The following LRCH4 variants were observed in gnomAD, a reference collection of about 807,000 sequenced individuals.
LRCH4 encodes leucine-rich repeat and calponin homology domain-containing protein 4.
Under a neutral mutation model 81.2 loss-of-function variants are expected in LRCH4, and 56 were observed. The observed-to-expected ratio is 0.69, with a 90% CI of 0.56 to 0.86. The LOEUF (loss-of-function observed/expected upper bound fraction) is 0.86, where lower values mean the gene tolerates loss of function less well. Among genes scored for constraint, LRCH4 ranks in the 40% least tolerant of loss-of-function variants. The pLI is 0.00. For synonymous variants in LRCH4, 442 were observed against 409.7 expected (o/e 1.08, Z -0.95); for missense variants, 895 against 922.8 (o/e 0.97, Z 0.39).
At position 100,575,073 on chromosome 7, in the gene LRCH4, AGG is replaced by A. The variant is rs558851090; in HGVS notation, c.*32_*33del. 38 of 1,568,808 alleles carry A rather than the reference AGG, an allele frequency of 2.4e-5. 1 individual carries two copies. In the South Asian group the frequency reaches 3.9e-4, roughly 16 times the overall value. On this transcript the variant is annotated 3_prime_UTR_variant, in exon 18 of 18. Transcript: ENST00000310300. This position sits in a 1 kb window ranked among gnomAD's most constrained non-coding sequence, Gnocchi z 5.3. ...GCAGGGACCTTATAAATAGAGAGGA[AGG>A]GAAAGGGGTGAGGGAGGGCCGATTT... is the stretch of plus-strand genomic sequence containing the variant.
At chr7:100,579,455 G>A (rs1584406851) in intron 4 of LRCH4, 1 of 152,316 alleles carries the variant, frequency 6.6e-6, no homozygotes, top group East Asian at 1.9e-4. Flanking sequence ...AAATTAGCCG[G>A]GTGTGGTGGC....
Position 100,578,478 on chromosome 7 carries a change from A to T in LRCH4, c.769T>A (p.Tyr257Asn), listed in dbSNP as rs1801440122. 3 of 1,613,950 alleles carry T rather than the reference A, an allele frequency of 1.9e-6. No homozygotes were observed. The highest frequency in any genetic ancestry group is 1.7e-6 in the Non-Finnish European group (2 of 1,180,006). Residue 257 changes from tyrosine (Y) to asparagine (N), a missense_variant, in exon 6 of 18, where the codon TAT (tyrosine) becomes AAT (asparagine). By Grantham distance (143) the Tyr-to-Asn change is moderately radical. Coordinates refer to ENST00000310300, the MANE Select transcript of LRCH4 (RefSeq NM_002319.5). The surrounding 1 kb of genome is among the most constrained non-coding windows in gnomAD (Gnocchi z 5.7). The stretch of plus-strand genomic sequence containing the variant: ...CGCTGCCCGGCCTCTGTGGACAAAT[A>T]CTTGAAGATGTGAAGTTTCCCCTTC... ...CLKGKLHIFK[Y>N]LSTEAGQRGS...
rs1168523391 is a variant in LRCH4 at position 100,581,808 on chromosome 7, G to A, written c.567C>T (p.Val189=). 6.2e-7 allele frequency: 1 copy of A among 1,614,188 alleles called. No homozygotes were observed. The highest frequency in any genetic ancestry group is 8.5e-7 in the Non-Finnish European group (1 of 1,180,024). Residue 189 remains valine (V), a synonymous_variant, in exon 4 of 18, where the codon GTC becomes GTT. Coordinates refer to ENST00000310300, the MANE Select transcript of LRCH4 (RefSeq NM_002319.5). ...GCAGCGTACTGAGCTGGTTCCTCCG[G>A]ACATTGAGGTCCCGCAGGGAAGAGA... ...CGLSSLRDLN[V]RRNQLSTLPE...
rs1295814153 is a variant in LRCH4 at position 100,574,345 on chromosome 7, GCA to G, written c.*760_*761del. 1 of 163,230 alleles carries G rather than the reference GCA, an allele frequency of 6.1e-6. No homozygotes were observed. Among genetic ancestry groups the G allele is most frequent in the Admixed American group, 6.5e-5 (1 of 15,334 alleles). The allele number at this position is 163,230 out of a possible 1,614,324, so 10.1% of individuals were successfully genotyped here. On this transcript the variant is annotated 3_prime_UTR_variant, in exon 18 of 18. Coordinates refer to ENST00000310300, the MANE Select transcript of LRCH4 (RefSeq NM_002319.5). ...CCTCTTCCAGGATGTGGTGGGGCTGGCACAGTGACTCCTGGGGGAAGGGGCCG... is the reference window on the plus strand; with the variant it reads ...CCTCTTCCAGGATGTGGTGGGGCTGGCAGTGACTCCTGGGGGAAGGGGCCG...
Position 100,575,436 on chromosome 7 carries a change from G to T in LRCH4, c.1855-132C>A. 1 of 928,884 alleles carries T rather than the reference G, an allele frequency of 1.1e-6. No homozygotes were observed. Among genetic ancestry groups the T allele is most frequent in the Non-Finnish European group, 1.7e-6 (1 of 595,580 alleles). 57.5% of individuals were successfully genotyped at this position (928,884 alleles called of 1,614,324 possible). A position where few individuals can be genotyped will look rare whatever the true frequency, so the allele number is the denominator to read the frequency against. On this transcript the variant is annotated intron_variant, in intron 17 of 17. Coordinates refer to ENST00000310300, the MANE Select transcript of LRCH4 (RefSeq NM_002319.5). The surrounding 1 kb of genome is among the most constrained non-coding windows in gnomAD (Gnocchi z 5.3). ...CCCACATGCTGACGTGCTGGGCAGGGGGAGTGCAGTGCAGGAGGAGTGCAG... is the reference window on the plus strand; with the variant it reads ...CCCACATGCTGACGTGCTGGGCAGGTGGAGTGCAGTGCAGGAGGAGTGCAG...
chr7:100,577,229 G>C lies in LRCH4; in HGVS notation c.1295+44C>G. ...GCGGGGCTCGGTGGCCCCATTTCCA[G>C]GGCTCAGTGTCCAGCAACAGCCCCG... On this transcript the variant is annotated intron_variant, in intron 11 of 17. Transcript: ENST00000310300. This position sits in a 1 kb window ranked among gnomAD's most constrained non-coding sequence, Gnocchi z 6.7. 6.2e-7 allele frequency: 1 copy of C among 1,607,378 alleles called. No homozygotes were observed. The highest frequency in any genetic ancestry group is 2.2e-5 in the East Asian group (1 of 44,816).
intron 1 of LRCH4, chr7:100,584,808 A>G (rs1801673661): frequency 6.6e-6 from 3 of 456,298 alleles, no homozygotes; most frequent in African/African-American, 4.0e-5. Context: ...CTGCTTAGGG[A>G]GAAGTAAGCA....
At position 100,575,367 on chromosome 7, in the gene LRCH4, A is replaced by G; in HGVS notation, c.1855-63T>C. Reference sequence around the variant, plus strand: ...CAGACGTCAGCAGCAGCAGCAGGACAGTCCCTCCCACCCCTGCCCTCACGT... The same window carrying G: ...CAGACGTCAGCAGCAGCAGCAGGACGGTCCCTCCCACCCCTGCCCTCACGT... On this transcript the variant is annotated intron_variant, in intron 17 of 17. Transcript: ENST00000310300. The surrounding 1 kb of genome is among the most constrained non-coding windows in gnomAD (Gnocchi z 5.3). 7.1e-7 allele frequency: 1 copy of G among 1,416,274 alleles called. No individual in the cohort carries two copies. The highest frequency in any genetic ancestry group is 9.6e-7 in the Non-Finnish European group (1 of 1,045,542). 87.7% of individuals were successfully genotyped at this position (1,416,274 alleles called of 1,614,324 possible). A position where few individuals can be genotyped will look rare whatever the true frequency, so the allele number is the denominator to read the frequency against.
At position 100,581,592 on chromosome 7, in the gene LRCH4, G is replaced by C. The variant is rs1326611028; in HGVS notation, c.598+185C>G. The C allele has an allele frequency of 5.2e-6, 3 of 573,288 alleles. No individual in the cohort carries two copies. In the South Asian group the frequency reaches 6.5e-5, roughly 13 times the overall value. The allele number at this position is 573,288 out of a possible 1,614,324, so 35.5% of individuals were successfully genotyped here. A position where few individuals can be genotyped will look rare whatever the true frequency, so the allele number is the denominator to read the frequency against. Reference sequence around the variant, plus strand: ...CAAGGAGCCGGCAGTCTGCAGCCAGGAAAAGCACCCTGCCAGAAGCTGACC... The same window carrying C: ...CAAGGAGCCGGCAGTCTGCAGCCAGCAAAAGCACCCTGCCAGAAGCTGACC... On this transcript the variant is annotated intron_variant, in intron 4 of 17. Coordinates refer to ENST00000310300, the MANE Select transcript of LRCH4 (RefSeq NM_002319.5).
rs569093846 is a variant in LRCH4 at position 100,578,150 on chromosome 7, C to T, written c.948+9G>A. The T allele has an allele frequency of 1.5e-5, 24 of 1,613,632 alleles. No homozygotes were observed. The highest frequency in any genetic ancestry group is 8.9e-5 in the East Asian group (4 of 44,872). ...CACCCTCAATCACCCATGGACAGGA[C>T]GCCCTTACCTCATTTCCAGACCACC... On this transcript the variant is annotated intron_variant, in intron 7 of 17. Transcript: ENST00000310300. The surrounding 1 kb of genome is among the most constrained non-coding windows in gnomAD (Gnocchi z 5.7).
chr7:100,585,225 C>G (rs373355162), intron 1 of LRCH4: 53 of 174,148 alleles, frequency 3.0e-4, no homozygotes, highest in African/African-American at 1.1e-3. Context: ...AGTGACCTCA[C>G]AGGCTTAGGA....
chr7:100,575,228 C>G lies in LRCH4; in HGVS notation c.1931G>C (p.Arg644Pro). Residue 644 changes from arginine (R) to proline (P), a missense_variant, in exon 18 of 18, where the codon CGG becomes CCG. Physicochemically the swap from Arg to Pro is moderately radical, Grantham distance 103. Coordinates refer to ENST00000310300, the MANE Select transcript of LRCH4 (RefSeq NM_002319.5). The surrounding 1 kb of genome is among the most constrained non-coding windows in gnomAD (Gnocchi z 5.3). ...GGGCGGTAGGGCCTTGCCCCCCACC[C>G]GCTTCACGGCCTCCAGCGCGGTCCG... is the stretch of plus-strand genomic sequence containing the variant. Reference protein sequence around the residue: ...GLRTALEAVKRVGGKALPPLW... With the variant: ...GLRTALEAVKPVGGKALPPLW... 1 of 1,606,422 alleles carries G rather than the reference C, an allele frequency of 6.2e-7. No individual in the cohort carries two copies. The highest frequency in any genetic ancestry group is 8.5e-7 in the Non-Finnish European group (1 of 1,176,478).
Position 100,582,413 on chromosome 7 carries a change from C to T in LRCH4, c.267G>A (p.Gln89=), listed in dbSNP as rs1365838893. 1.1e-5 allele frequency: 17 copies of T among 1,613,446 alleles called. No individual in the cohort carries two copies. Among genetic ancestry groups the T allele is most frequent in the Non-Finnish European group, 1.3e-5 (15 of 1,180,002 alleles). Reference sequence around the variant, plus strand: ...GGCTCAGGCCCTCCAGGGACACCAGCTGGCACGCCGCCTCGGGCACCTCGG... The same window carrying T: ...GGCTCAGGCCCTCCAGGGACACCAGTTGGCACGCCGCCTCGGGCACCTCGG... ...RFPEVPEAAC[Q]LVSLEGLSLY... is the part of the protein sequence containing the mutation. Residue 89 remains glutamine (Q), a synonymous_variant, in exon 2 of 18, where the codon CAG becomes CAA. Transcript: ENST00000310300. The surrounding 1 kb of genome is among the most constrained non-coding windows in gnomAD (Gnocchi z 5.0).
rs1167089081 is a variant in LRCH4, at chr7:100,577,275, A to G, written c.1293T>C (p.Asp431=). 5.6e-6 allele frequency: 9 copies of G among 1,600,992 alleles called. No individual in the cohort carries two copies. The South Asian group carries it at 9.9e-5, about 18-fold the overall frequency. ...QSGAWGAPRK[D]SLLKPGLRAV... ...CCCCGGGCGGCCCTGGGTCCCACCTATCCTTCCTCGGGGCCCCCCACGCCC... is the reference window on the plus strand; with the variant it reads ...CCCCGGGCGGCCCTGGGTCCCACCTGTCCTTCCTCGGGGCCCCCCACGCCC... The change falls in exon 11 of 18, where the codon GAT becomes GAC. Residue 431 remains aspartate (D), a splice_region_variant and synonymous_variant. Transcript: ENST00000310300. This position sits in a 1 kb window ranked among gnomAD's most constrained non-coding sequence, Gnocchi z 6.7.
In LRCH4 at chr7:100,577,364, G is replaced by C; in HGVS notation, c.1204C>G (p.Arg402Gly). The change falls in exon 11 of 18, where the codon CGG becomes GGG. Residue 402 changes from arginine (R) to glycine (G), a missense_variant. Arg to Gly is a moderately radical substitution (Grantham distance 125). Around this residue, in one of 3 missense-constraint regions of LRCH4, gnomAD observed 529 missense variants for 504.9 expected, o/e 1.05. Transcript: ENST00000310300. The surrounding 1 kb of genome is among the most constrained non-coding windows in gnomAD (Gnocchi z 6.7). ...SRREEPAGEERRRPDTLQLWQ... is the reference protein window; with the variant it reads ...SRREEPAGEEGRRPDTLQLWQ... ...AGCTGCAAGGTGTCCGGGCGCCGCC[G>C]CTCCTCCCCTGCCGGCTCCTCCCGC... 7 of 1,599,680 alleles carry C rather than the reference G, an allele frequency of 4.4e-6. No homozygotes were observed. Among genetic ancestry groups the C allele is most frequent in the Non-Finnish European group, 5.1e-6 (6 of 1,179,366 alleles).
Position 100,577,328 on chromosome 7 carries a change from G to T in LRCH4, c.1240C>A (p.Arg414=). 1.3e-6 allele frequency: 2 copies of T among 1,598,546 alleles called. No individual in the cohort carries two copies. Among genetic ancestry groups the T allele is most frequent in the South Asian group, 2.2e-5 (2 of 90,890 alleles). ...RPDTLQLWQE[R]ERRQQQQSGA... ...CTCTGCTGCTGCTGCCGCCGTTCCC[G>T]CTCCTGCCACAGCTGCAAGGTGTCC... is the stretch of plus-strand genomic sequence containing the variant. The change falls in exon 11 of 18, where the codon CGG becomes AGG. Residue 414 remains arginine, a synonymous_variant. Transcript: ENST00000310300. The surrounding 1 kb of genome is among the most constrained non-coding windows in gnomAD (Gnocchi z 6.7).
Position 100,576,851 on chromosome 7 carries a change from C to T in LRCH4, c.1468+51G>A, listed in dbSNP as rs757971243. 9 of 1,536,662 alleles carry T rather than the reference C, an allele frequency of 5.9e-6. No homozygotes were observed. The African/African-American group carries it at 1.2e-4, about 21-fold the overall frequency. Reference sequence around the variant, plus strand: ...TCCCCTCTGTGTCCCTCTCTCCCAACCAGCCCTCACCAACACAGGCCCCAT... The same window carrying T: ...TCCCCTCTGTGTCCCTCTCTCCCAATCAGCCCTCACCAACACAGGCCCCAT... On this transcript the variant is annotated intron_variant, in intron 13 of 17. Coordinates refer to ENST00000310300, the MANE Select transcript of LRCH4 (RefSeq NM_002319.5).
chr7:100,575,293 G>A lies in LRCH4; in HGVS notation c.1866C>T (p.Cys622=), dbSNP rs1426380204. Reference sequence around the variant, plus strand: ...TGCCCTGGAGGAGATCCGAGGGCGAGCACAGGTCAGCCTGGGGGAGAGGAG... The same window carrying A: ...TGCCCTGGAGGAGATCCGAGGGCGAACACAGGTCAGCCTGGGGGAGAGGAG... ...RKMGVPEADL[C]SPSDLLQGTA... Residue 622 remains cysteine (C), a synonymous_variant, in exon 18 of 18, where the codon TGC becomes TGT. Coordinates refer to ENST00000310300, the MANE Select transcript of LRCH4 (RefSeq NM_002319.5). This position sits in a 1 kb window ranked among gnomAD's most constrained non-coding sequence, Gnocchi z 5.3. 1.3e-6 allele frequency: 2 copies of A among 1,550,602 alleles called. No individual in the cohort carries two copies. The highest frequency in any genetic ancestry group is 1.7e-6 in the Non-Finnish European group (2 of 1,144,878).
In LRCH4 at chr7:100,578,089, G is replaced by C. The variant is rs1801428589; in HGVS notation, c.948+70C>G. On this transcript the variant is annotated intron_variant, in intron 7 of 17. Coordinates refer to ENST00000310300, the MANE Select transcript of LRCH4 (RefSeq NM_002319.5). This position sits in a 1 kb window ranked among gnomAD's most constrained non-coding sequence, Gnocchi z 5.7. ...CCTCTGCCTGGCACCCTGCAATTTG[G>C]AGGTCCCCAGTTCAGAGGTGCTCTC... The C allele has an allele frequency of 1.1e-5, 16 of 1,494,626 alleles. No homozygotes were observed. Among genetic ancestry groups the C allele is most frequent in the Non-Finnish European group, 1.3e-5 (14 of 1,074,924 alleles). The allele number at this position is 1,494,626 out of a possible 1,614,324, so 92.6% of individuals were successfully genotyped here. A position where few individuals can be genotyped will look rare whatever the true frequency, so the allele number is the denominator to read the frequency against.
Sources: gnomAD v4.1 joint callset for allele counts on GRCh38, gnomAD v4.1.1 for gene constraint, gnomAD v4.1.1 regional missense constraint, Gnocchi (gnomAD v3.1) non-coding constraint, MANE v1.5 for transcripts, NCBI Gene and HGNC (gene_info 2026-07-23, HGNC 2026-07-21) for gene names.